Variants in PXK observed in about 807,000 individuals in gnomAD.
PXK encodes the protein PX domain containing serine/threonine kinase like.
A neutral mutation model predicts 84.7 loss-of-function variants in PXK; 35 were observed. That is an observed-to-expected ratio of 0.41 (90% CI 0.32 to 0.55). PXK has a LOEUF of 0.55. Ranked by LOEUF, PXK falls within the 20% of genes least tolerant of loss-of-function variation. The probability of loss-of-function intolerance (pLI) is 0.21; values close to 1 mark genes in which losing one functional copy is unlikely to be tolerated. For missense variants in PXK, 634 were observed against 699.7 expected (o/e 0.91, Z 1.06); for synonymous variants, 253 against 260.8 (o/e 0.97, Z 0.29).
intron 1 of PXK, among the ~76,000 whole-genome samples, chr3:58,348,157 C>T (rs2097855313): frequency 6.6e-6 from 1 of 152,178 alleles, no homozygotes; most frequent in African/African-American, 2.4e-5. Flanking sequence ...CATCCACCTA[C>T]CTCTGCCTTC....
intron 2 of PXK, among the ~76,000 whole-genome samples, chr3:58,368,251 A>G (rs1296431780): frequency 2.6e-5 from 4 of 152,152 alleles, no homozygotes; most frequent in African/African-American, 4.8e-5. Flanking sequence ...TCTAGGTTTT[A>G]TGGCTTACTT....
At chr3:58,362,925 C>T (rs1258816512) in intron 1 of PXK, among the ~76,000 whole-genome samples, 1 of 151,994 alleles carries the variant, frequency 6.6e-6, no homozygotes, top group Non-Finnish European at 1.5e-5. Context: ...ACCATGTTGC[C>T]CAGGTTGGTT....
chr3:58,353,931 G>A (rs1267540393), intron 1 of PXK, among the ~76,000 whole-genome samples: 1 of 152,198 alleles, frequency 6.6e-6, no homozygotes, highest in East Asian at 1.9e-4. Flanking sequence ...AGCCATGGAA[G>A]GTCCTGGAGC....
chr3:58,405,197 A>G (rs2059207147), intron 13 of PXK, among the ~76,000 whole-genome samples: 1 of 152,208 alleles, frequency 6.6e-6, no homozygotes, highest in Non-Finnish European at 1.5e-5. Flanking sequence ...CCATGGAAGT[A>G]GGTGGGAGAC....
intron 3 of PXK, among the ~76,000 whole-genome samples, chr3:58,377,598 C>G (rs2098454261): frequency 1.4e-5 from 2 of 145,294 alleles, no homozygotes; most frequent in Non-Finnish European, 3.0e-5. Flanking sequence ...GAGACCCTAT[C>G]TCTTTCTAAA....
At chr3:58,369,340 G>C in intron 2 of PXK, 91 bp from the exon 3 acceptor site, 1 of 989,402 alleles carries the variant, frequency 1.0e-6, no homozygotes, top group Non-Finnish European at 1.5e-6. Flanking sequence ...GCTCTAGAGT[G>C]CCAATATTAC....
chr3:58,364,525 A>C lies in PXK; in HGVS notation c.103-1349A>C, dbSNP rs1360597634. Reference sequence around the variant, plus strand: ...TCAGGAGTTCGAGACCAGCTGGGCCAATATGGTGAAACCCCATCTCCGCTA... The same window carrying C: ...TCAGGAGTTCGAGACCAGCTGGGCCCATATGGTGAAACCCCATCTCCGCTA... On this transcript the variant is annotated intron_variant, in intron 1 of 17. Transcript: ENST00000356151. The surrounding 1 kb of genome is among the most constrained non-coding windows in gnomAD (Gnocchi z 4.3). Among the ~76,000 whole-genome samples the C allele has an allele frequency of 2.6e-5, 4 of 152,162 alleles. No individual in the cohort carries two copies. The highest frequency in any genetic ancestry group is 5.9e-5 in the Non-Finnish European group (4 of 68,024).
At position 58,333,101 on chromosome 3, in the gene PXK, CAGCG is replaced by C; in HGVS notation, c.102+12_102+15del. Reference sequence around the variant, plus strand: ...CTGCAGTCCCACACGGTGCGCGGCCCAGCGGGCGGGCGGGCGGCGTGGGGCGGCC... The same window carrying C: ...CTGCAGTCCCACACGGTGCGCGGCCCGGCGGGCGGGCGGCGTGGGGCGGCC... On this transcript the variant is annotated intron_variant, in intron 1 of 17. Coordinates refer to ENST00000356151, the MANE Select transcript of PXK (RefSeq NM_017771.5). This position sits in a 1 kb window ranked among gnomAD's most constrained non-coding sequence, Gnocchi z 5.4. The C allele has an allele frequency of 5.2e-6, 6 of 1,160,168 alleles. No individual in the cohort carries two copies. Among genetic ancestry groups the C allele is most frequent in the Non-Finnish European group, 6.4e-6 (6 of 936,540 alleles). The allele number at this position is 1,160,168 out of a possible 1,614,324, so 71.9% of individuals were successfully genotyped here. A position where few individuals can be genotyped will look rare whatever the true frequency, so the allele number is the denominator to read the frequency against.
At chr3:58,420,513 C>G in intron 17 of PXK, 1 of 1,535,422 alleles carries the variant, frequency 6.5e-7, no homozygotes. Context: ...CCCCCTTTCT[C>G]TCTCTCTCTT....
At chr3:58,403,660 T>C (rs1257039357) in intron 12 of PXK, among the ~76,000 whole-genome samples, 2 of 152,048 alleles carry the variant, frequency 1.3e-5, no homozygotes, top group Admixed American at 6.6e-5. Context: ...AGTAACACAG[T>C]GGGAAGGGGG....
intron 1 of PXK, among the ~76,000 whole-genome samples, chr3:58,346,816 T>C (rs4681846): frequency 0.72 from 106,748 of 148,068 alleles, 39,337 homozygotes; most frequent in East Asian, 1. Flanking sequence ...TGCCACCACA[T>C]GTGGCTAATT....
At position 58,410,447 on chromosome 3, in the gene PXK, C is replaced by G. The variant is rs147587727; in HGVS notation, c.1465+288C>G. On this transcript the variant is annotated intron_variant, in intron 16 of 17. Coordinates refer to ENST00000356151, the MANE Select transcript of PXK (RefSeq NM_017771.5). The stretch of plus-strand genomic sequence containing the variant: ...AGGAGCATTAGTCATGGAAGGAAAA[C>G]AGACCTGACTTAAAATGTAAGGCCT... Among the ~76,000 whole-genome samples the G allele has an allele frequency of 7.1e-4, 108 of 152,320 alleles. 1 individual carries two copies. Among genetic ancestry groups the G allele is most frequent in the Non-Finnish European group, 1.4e-3 (98 of 68,036 alleles).
chr3:58,340,307 G>C (rs1035271115), intron 1 of PXK, among the ~76,000 whole-genome samples: 1 of 150,382 alleles, frequency 6.6e-6, no homozygotes, highest in African/African-American at 2.4e-5. Context: ...ATTTTCTGTC[G>C]AGACAGGGCC....
At chr3:58,374,001 C>CG (rs1559968631) in intron 3 of PXK, among the ~76,000 whole-genome samples, 3 of 130,378 alleles carry the variant, frequency 2.3e-5, no homozygotes, top group African/African-American at 5.7e-5. Context: ...GCCGAGATCG[C>CG]ACACTGCACT....
chr3:58,412,832 C>A lies in PXK; in HGVS notation c.1466-69C>A. ...TGTAGATTCTCAGACAGCAGTGGGTCCCAGCCTGGGCCAAATTCCAAATGT... is the reference window on the plus strand; with the variant it reads ...TGTAGATTCTCAGACAGCAGTGGGTACCAGCCTGGGCCAAATTCCAAATGT... On this transcript the variant is annotated intron_variant, in intron 16 of 17. Transcript: ENST00000356151. This position sits in a 1 kb window ranked among gnomAD's most constrained non-coding sequence, Gnocchi z 6.2. The A allele has an allele frequency of 1.3e-6, 2 of 1,522,714 alleles. No homozygotes were observed. Among genetic ancestry groups the A allele is most frequent in the Non-Finnish European group, 1.8e-6 (2 of 1,097,202 alleles). The allele number at this position is 1,522,714 out of a possible 1,614,324, so 94.3% of individuals were successfully genotyped here.
rs2058304856 is a variant in PXK, at chr3:58,399,907, T to C, written c.1181+530T>C. ...ATGTACCAGGCACTGTTCTAGGGTC[T>C]TGGAGCTCAGAAGACATTTTCTCTG... On this transcript the variant is annotated intron_variant, in intron 12 of 17. Coordinates refer to ENST00000356151, the MANE Select transcript of PXK (RefSeq NM_017771.5). This position sits in a 1 kb window ranked among gnomAD's most constrained non-coding sequence, Gnocchi z 4.3. Among the ~76,000 whole-genome samples, 1 of 152,038 alleles carries C rather than the reference T, an allele frequency of 6.6e-6. No homozygotes were observed. Among genetic ancestry groups the C allele is most frequent in the Non-Finnish European group, 1.5e-5 (1 of 68,014 alleles).
rs776259488 is a variant in PXK at position 58,399,423 on chromosome 3, A to AAC, written c.1181+49_1181+50dup. ...GGTTGTAATCTTGATAACTATGTTG[A>AAC]ACACCAGACCACTGTGTCCAAGCAC... On this transcript the variant is annotated intron_variant, in intron 12 of 17. Transcript: ENST00000356151. This position sits in a 1 kb window ranked among gnomAD's most constrained non-coding sequence, Gnocchi z 4.3. The AAC allele has an allele frequency of 1.9e-6, 3 of 1,550,964 alleles. No homozygotes were observed. In the African/African-American group the frequency reaches 4.1e-5, roughly 21 times the overall value.
At chr3:58,372,538 GGT>G (rs1330840501) in intron 3 of PXK, among the ~76,000 whole-genome samples, 1 of 151,578 alleles carries the variant, frequency 6.6e-6, no homozygotes, top group Non-Finnish European at 1.5e-5. Context: ...TAGCCAGGAT[GGT>G]TTCAATCTCC....
intron 1 of PXK, among the ~76,000 whole-genome samples, chr3:58,336,255 G>A (rs944675661): frequency 5.9e-5 from 9 of 151,356 alleles, no homozygotes; most frequent in Admixed American, 3.3e-4. Flanking sequence ...TGTGAACTTG[G>A]TAGGGAAAAA....
Sources: allele counts gnomAD v4.1 joint callset (sites outside exome capture counted in the v4.1 genomes callset), GRCh38; gene constraint gnomAD v4.1.1; non-coding constraint Gnocchi (gnomAD v3.1); transcripts MANE v1.5; gene names NCBI Gene and HGNC (gene_info 2026-07-23, HGNC 2026-07-21).